SLCO1B1: variants seen among roughly 807,000 people sequenced by gnomAD.
SLCO1B1 encodes OATP-2.
A neutral mutation model predicts 70.1 loss-of-function variants in SLCO1B1; 81 were observed. The ratio of observed to expected loss-of-function variants is 1.16; its 90% CI spans 0.97 to 1.39. The LOEUF is 1.39. Ranked by LOEUF, SLCO1B1 falls within the 40% of genes most tolerant of loss-of-function variation. The pLI, the probability that SLCO1B1 is intolerant of heterozygous loss-of-function variation, is 0.00. For synonymous variants in SLCO1B1, 283 were observed against 271.5 expected (o/e 1.04, Z -0.42); for missense variants, 895 against 799.6 (o/e 1.12, Z -1.44).
Position 21,178,927 on chromosome 12 carries a change from T to C in SLCO1B1, c.634T>C (p.Leu212=), listed in dbSNP as rs929475568. The part of the protein sequence containing the change: ...EGHSSLYLGI[L]NAIAMIGPII... ...TTGCTTTATAATATTTTCAGGTATA[T>C]TGAATGCAATAGCAATGATTGGTCC... The change falls in exon 7 of 15, where the codon TTG becomes CTG. Residue 212 remains leucine, a synonymous_variant. Coordinates refer to ENST00000256958, the MANE Select transcript of SLCO1B1 (RefSeq NM_006446.5). The C allele has an allele frequency of 6.2e-7, 1 of 1,606,232 alleles. No homozygotes were observed. The highest frequency in any genetic ancestry group is 8.5e-7 in the Non-Finnish European group (1 of 1,173,522).
chr12:21,169,782 T>C (rs948457542), intron 2 of SLCO1B1, among the ~76,000 whole-genome samples: 1 of 152,174 alleles, frequency 6.6e-6, no homozygotes, highest in Non-Finnish European at 1.5e-5. Context: ...ATCCTTTCTT[T>C]CTTTTTATAC....
In SLCO1B1 at chr12:21,173,303, G is replaced by A. The variant is rs752910953; in HGVS notation, c.226+512G>A. ...TTGGATTTCTCCAATAACAGCTCAGGGAAAACATTTTCTGGTTCATATTTG... is the reference window on the plus strand; with the variant it reads ...TTGGATTTCTCCAATAACAGCTCAGAGAAAACATTTTCTGGTTCATATTTG... On this transcript the variant is annotated intron_variant, in intron 3 of 14. Transcript: ENST00000256958. 7.2e-5 allele frequency among the ~76,000 whole-genome samples: 11 copies of A among 151,898 alleles called. No individual in the cohort carries two copies. The South Asian group carries it at 1.9e-3, about 26-fold the overall frequency.
intron 1 of SLCO1B1, among the ~76,000 whole-genome samples, chr12:21,133,816 C>A (rs1190217498): frequency 6.6e-6 from 1 of 152,076 alleles, no homozygotes; most frequent in East Asian, 1.9e-4. Context: ...TAATTGAATA[C>A]CCTTTATTTT....
chr12:21,182,400 C>T (rs1271132016), intron 7 of SLCO1B1, among the ~76,000 whole-genome samples: 1 of 152,162 alleles, frequency 6.6e-6, no homozygotes, highest in African/African-American at 2.4e-5. Flanking sequence ...CAGCAGAACG[C>T]AGCCATAGGC....
At chr12:21,219,284 A>G (rs1302094303) in intron 12 of SLCO1B1, among the ~76,000 whole-genome samples, 1 of 152,216 alleles carries the variant, frequency 6.6e-6, no homozygotes, top group Non-Finnish European at 1.5e-5. Context: ...AAAGACCTGA[A>G]TGAAGAGATA....
At chr12:21,158,793 C>A (rs1035347028) in intron 2 of SLCO1B1, among the ~76,000 whole-genome samples, 1 of 152,080 alleles carries the variant, frequency 6.6e-6, no homozygotes, top group East Asian at 1.9e-4. Context: ...TACAAATACA[C>A]ATTTTACTGG....
intron 14 of SLCO1B1, among the ~76,000 whole-genome samples, chr12:21,226,508 G>T (rs773075398): frequency 2.6e-5 from 4 of 152,132 alleles, no homozygotes; most frequent in Non-Finnish European, 5.9e-5. Flanking sequence ...GCCAAACTAT[G>T]AAGACAATGA....
chr12:21,192,091 G>T (rs1443308011), intron 7 of SLCO1B1, among the ~76,000 whole-genome samples: 1 of 151,818 alleles, frequency 6.6e-6, no homozygotes, highest in African/African-American at 2.4e-5. Context: ...TGGTGTCTTT[G>T]TCTGGCTTTG....
At chr12:21,180,097 T>G (rs1373565343) in intron 7 of SLCO1B1, among the ~76,000 whole-genome samples, 2 of 152,122 alleles carry the variant, frequency 1.3e-5, no homozygotes, top group African/African-American at 4.8e-5. Flanking sequence ...TTCCAGTGCT[T>G]CTTCATCCAT....
At chr12:21,164,907 G>C in intron 2 of SLCO1B1, 1 of 442,300 alleles carries the variant, frequency 2.3e-6, no homozygotes. Context: ...GTCATTATTG[G>C]TTTATTGCTG....
intron 11 of SLCO1B1, among the ~76,000 whole-genome samples, chr12:21,214,762 G>A (rs570952099): frequency 1.3e-5 from 2 of 152,320 alleles, no homozygotes; most frequent in South Asian, 2.1e-4. Flanking sequence ...ATGTAATCTC[G>A]TGGTGCGCCG....
intron 14 of SLCO1B1, among the ~76,000 whole-genome samples, chr12:21,230,093 T>C (rs762539332): frequency 5.9e-5 from 9 of 152,138 alleles, no homozygotes; most frequent in Non-Finnish European, 1.3e-4. Flanking sequence ...ATTTTGCAAA[T>C]TCACTTTTCT....
chr12:21,164,931 T>G (rs909426993), intron 2 of SLCO1B1: 10 of 425,858 alleles, frequency 2.3e-5, no homozygotes, highest in Admixed American at 1.1e-4. Context: ...AAGATTATAA[T>G]TTTCAGTGCA....
intron 8 of SLCO1B1, among the ~76,000 whole-genome samples, chr12:21,198,922 G>A (rs1412534495): frequency 6.6e-6 from 1 of 152,066 alleles, no homozygotes; most frequent in Non-Finnish European, 1.5e-5. Context: ...TTGTGTGAAT[G>A]TATATACTCC....
At chr12:21,154,018 C>T (rs1314757371) in intron 2 of SLCO1B1, among the ~76,000 whole-genome samples, 2 of 152,018 alleles carry the variant, frequency 1.3e-5, no homozygotes, top group Non-Finnish European at 2.9e-5. Flanking sequence ...CAATTTTCTA[C>T]ACTTATGTTT....
intron 7 of SLCO1B1, 55 bp downstream of exon 7, chr12:21,179,075 A>G (rs1940861966): frequency 9.1e-7 from 1 of 1,104,518 alleles, no homozygotes. Context: ...CACACATGCG[A>G]AAAACATTTT....
rs200526972 is a variant in SLCO1B1, at chr12:21,238,991, G to C, written c.1878G>C (p.Leu626Phe). ...YNSTSFSRVY[L>F]GLSSMLRVSS... ...TCTATTTCTACAGAAGGGTCTACTTGGGCTTGTCTTCAATGTTAAGAGTCT... is the reference window on the plus strand; with the variant it reads ...TCTATTTCTACAGAAGGGTCTACTTCGGCTTGTCTTCAATGTTAAGAGTCT... The change falls in exon 15 of 15, where the codon TTG becomes TTC. Residue 626 changes from leucine to phenylalanine, a missense_variant. Physicochemically the swap from Leu to Phe is conservative, Grantham distance 22. Transcript: ENST00000256958. 66 of 1,567,176 alleles carry C rather than the reference G, an allele frequency of 4.2e-5. No individual in the cohort carries two copies. Among genetic ancestry groups the C allele is most frequent in the Non-Finnish European group, 5.6e-5 (64 of 1,140,904 alleles).
chr12:21,217,731 C>G (rs1305304983), intron 12 of SLCO1B1, among the ~76,000 whole-genome samples: 1 of 152,004 alleles, frequency 6.6e-6, no homozygotes, highest in Non-Finnish European at 1.5e-5. Context: ...TGATAACATT[C>G]CAAAACTTTT....
At chr12:21,165,330 C>T (rs568088857) in intron 2 of SLCO1B1, among the ~76,000 whole-genome samples, 2 of 152,002 alleles carry the variant, frequency 1.3e-5, no homozygotes, top group East Asian at 3.9e-4. Context: ...GTAGCTCAAA[C>T]TGAGGATGAA....
Sources: allele counts gnomAD v4.1 joint callset (sites outside exome capture counted in the v4.1 genomes callset), GRCh38; gene constraint gnomAD v4.1.1; transcripts MANE v1.5; gene names NCBI Gene and HGNC (gene_info 2026-07-23, HGNC 2026-07-21).